PHLPP1: variants seen among roughly 807,000 people sequenced by gnomAD.
PHLPP1 encodes PH domain and leucine rich repeat protein phosphatase 1, also known as PH domain leucine-rich repeat-containing protein phosphatase 1.
A neutral mutation model predicts 117.2 loss-of-function variants in PHLPP1; 42 were observed. That is an observed-to-expected ratio of 0.36 (90% confidence interval 0.28 to 0.46). PHLPP1 has a LOEUF of 0.46. PHLPP1 is among the 20% of genes least tolerant of loss of function. PHLPP1 has a pLI of 1.00. For missense variants in PHLPP1, 2,084 were observed against 2,241.9 expected (o/e 0.93, Z 1.42); for synonymous variants, 1,042 against 970.7 (o/e 1.07, Z -1.37).
intron 12 of PHLPP1, among the ~76,000 whole-genome samples, chr18:62,952,474 C>T (rs1261541621): frequency 6.6e-6 from 1 of 152,126 alleles, no homozygotes; most frequent in African/African-American, 2.4e-5. Flanking sequence ...TTCTTCTAGG[C>T]TTCCCAAATC....
chr18:62,781,344 G>A (rs1226565867), intron 1 of PHLPP1, among the ~76,000 whole-genome samples: 1 of 152,168 alleles, frequency 6.6e-6, no homozygotes, highest in East Asian at 1.9e-4. Flanking sequence ...GCCTTAATGT[G>A]GGTTGCTCAC....
intron 4 of PHLPP1, among the ~76,000 whole-genome samples, chr18:62,888,620 C>A (rs1036496856): frequency 7.2e-5 from 11 of 152,092 alleles, no homozygotes; most frequent in African/African-American, 2.7e-4. Context: ...ATTGCTGGAG[C>A]CTGGGAAGTC....
In PHLPP1 at chr18:62,979,689, A is replaced by G. The variant is rs920915094; in HGVS notation, c.*258A>G. Reference sequence around the variant, plus strand: ...CCTAACATATCAGATATGTAAAGACAAAGAACAAAAGGTTTAATATATTAC... The same window carrying G: ...CCTAACATATCAGATATGTAAAGACGAAGAACAAAAGGTTTAATATATTAC... On this transcript the variant is annotated 3_prime_UTR_variant, in exon 17 of 17. Coordinates refer to ENST00000262719, the MANE Select transcript of PHLPP1 (RefSeq NM_194449.4). 1.4e-5 allele frequency: 7 copies of G among 497,384 alleles called. No individual in the cohort carries two copies. Among genetic ancestry groups the G allele is most frequent in the Non-Finnish European group, 2.1e-5 (6 of 280,906 alleles). The allele number at this position is 497,384 out of a possible 1,614,324, so 30.8% of individuals were successfully genotyped here. A position where few individuals can be genotyped will look rare whatever the true frequency, so the allele number is the denominator to read the frequency against.
At chr18:62,898,959 C>T (rs1223140668) in intron 6 of PHLPP1, among the ~76,000 whole-genome samples, 2 of 151,872 alleles carry the variant, frequency 1.3e-5, no homozygotes, top group South Asian at 2.1e-4. Flanking sequence ...TCACCATGAC[C>T]GGCTAATTTT....
chr18:62,730,142 G>A (rs1471180900), intron 1 of PHLPP1, among the ~76,000 whole-genome samples: 2 of 152,162 alleles, frequency 1.3e-5, no homozygotes, highest in African/African-American at 2.4e-5. Flanking sequence ...TATGGAAAAC[G>A]TATCCCTAAT....
At chr18:62,818,938 G>A (rs1162309165) in intron 1 of PHLPP1, among the ~76,000 whole-genome samples, 1 of 152,192 alleles carries the variant, frequency 6.6e-6, no homozygotes, top group Non-Finnish European at 1.5e-5. Flanking sequence ...ACTAAATGCA[G>A]AGCTGGGAAT....
chr18:62,757,048 G>A (rs900856730), intron 1 of PHLPP1, among the ~76,000 whole-genome samples: 3 of 152,190 alleles, frequency 2.0e-5, no homozygotes, highest in African/African-American at 7.2e-5. Flanking sequence ...AGAGACTTGA[G>A]TGGACAAGGG....
intron 12 of PHLPP1, among the ~76,000 whole-genome samples, chr18:62,948,691 T>C (rs1479361190): frequency 6.6e-6 from 1 of 151,922 alleles, no homozygotes; most frequent in African/African-American, 2.4e-5. Flanking sequence ...TTTTTTATAC[T>C]TTAAGTTTTA....
chr18:62,978,423 C>G lies in PHLPP1; in HGVS notation c.4146C>G (p.Val1382=). The change falls in exon 17 of 17, where the codon GTC becomes GTG. Residue 1382 remains valine (V), a synonymous_variant. Coordinates refer to ENST00000262719, the MANE Select transcript of PHLPP1 (RefSeq NM_194449.4). This position sits in a 1 kb window ranked among gnomAD's most constrained non-coding sequence, Gnocchi z 7.0. ...AGGGGTTGTGGGACAGCCTGTCCGTCGAGGAGGCCGTGGAAGCCGTGCGCA... is the reference window on the plus strand; with the variant it reads ...AGGGGTTGTGGGACAGCCTGTCCGTGGAGGAGGCCGTGGAAGCCGTGCGCA... ...GSKGLWDSLS[V]EEAVEAVRNV... 6.2e-7 allele frequency: 1 copy of G among 1,612,004 alleles called. No homozygotes were observed. Among genetic ancestry groups the G allele is most frequent in the Non-Finnish European group, 8.5e-7 (1 of 1,179,114 alleles).
intron 3 of PHLPP1, among the ~76,000 whole-genome samples, chr18:62,848,589 G>T (rs1030068852): frequency 4.0e-5 from 6 of 148,168 alleles, no homozygotes; most frequent in Non-Finnish European, 7.4e-5. Context: ...TCAGCCTCCC[G>T]AGTAACTGGG....
intron 6 of PHLPP1, among the ~76,000 whole-genome samples, chr18:62,900,923 G>A (rs1329002067): frequency 6.6e-6 from 1 of 152,172 alleles, no homozygotes; most frequent in East Asian, 1.9e-4. Context: ...AATATGTACA[G>A]TTTTATCTGT....
chr18:62,920,807 C>T (rs1909441945), intron 10 of PHLPP1, among the ~76,000 whole-genome samples: 1 of 152,162 alleles, frequency 6.6e-6, no homozygotes, highest in African/African-American at 2.4e-5. Flanking sequence ...GTGATCCACC[C>T]ACCTTGGCCT....
intron 1 of PHLPP1, among the ~76,000 whole-genome samples, chr18:62,808,462 T>G (rs1420962425): frequency 6.6e-6 from 1 of 152,234 alleles, no homozygotes; most frequent in East Asian, 1.9e-4. Context: ...TCACGCTAAT[T>G]ATATGCACAT....
chr18:62,947,145 G>A (rs961723720), intron 12 of PHLPP1, among the ~76,000 whole-genome samples: 2 of 152,206 alleles, frequency 1.3e-5, no homozygotes, highest in Admixed American at 1.3e-4. Flanking sequence ...GTGCTCTGAA[G>A]GGAGACAGAC....
chr18:62,717,077 C>T lies in PHLPP1; in HGVS notation c.1394C>T (p.Pro465Leu), dbSNP rs1401978016. ...GTGACCGCGGAGAAGGCGCCTCCGC[C>T]GCCCCCGCCGCCCACCCTGTACGTG... ...SGVTAEKAPPPPPPPTLYVQL... is the reference protein window; with the variant it reads ...SGVTAEKAPPLPPPPTLYVQL... The change falls in exon 1 of 17, where the codon CCG (proline) becomes CTG (leucine). Residue 465 changes from proline (P) to leucine (L), a missense_variant. Transcript: ENST00000262719. 12 of 1,545,632 alleles carry T rather than the reference C, an allele frequency of 7.8e-6. No homozygotes were observed. Among genetic ancestry groups the T allele is most frequent in the Non-Finnish European group, 1.0e-5 (12 of 1,144,926 alleles).
chr18:62,960,164 A>G (rs977368597), intron 13 of PHLPP1, among the ~76,000 whole-genome samples: 2 of 152,238 alleles, frequency 1.3e-5, no homozygotes, highest in Non-Finnish European at 2.9e-5. Flanking sequence ...AAAATTTGTT[A>G]ATAAATGGAA....
In PHLPP1 at chr18:62,895,631, C is replaced by G. The variant is rs899267627; in HGVS notation, c.2214-150C>G. 10 of 606,650 alleles carry G rather than the reference C, an allele frequency of 1.6e-5. No individual in the cohort carries two copies. The African/African-American group carries it at 1.7e-4, about 10-fold the overall frequency. The allele number at this position is 606,650 out of a possible 1,614,324, so 37.6% of individuals were successfully genotyped here. A position where few individuals can be genotyped will look rare whatever the true frequency, so the allele number is the denominator to read the frequency against. Reference sequence around the variant, plus strand: ...TTATCTCTGATTATTTCTCTTTGGTCCATTATTGCCTCAGGCCCTGCCCTT... The same window carrying G: ...TTATCTCTGATTATTTCTCTTTGGTGCATTATTGCCTCAGGCCCTGCCCTT... On this transcript the variant is annotated intron_variant, in intron 5 of 16. Coordinates refer to ENST00000262719, the MANE Select transcript of PHLPP1 (RefSeq NM_194449.4).
At chr18:62,772,543 A>G (rs1912818060) in intron 1 of PHLPP1, among the ~76,000 whole-genome samples, 1 of 152,138 alleles carries the variant, frequency 6.6e-6, no homozygotes, top group African/African-American at 2.4e-5. Flanking sequence ...AAATAATTAA[A>G]TTTAAATTGG....
intron 10 of PHLPP1, among the ~76,000 whole-genome samples, chr18:62,932,350 A>G (rs1909841310): frequency 6.6e-6 from 1 of 152,206 alleles, no homozygotes. Context: ...TCTGATGAAC[A>G]TAGACACAAA....
Sources: gnomAD v4.1 joint callset for allele counts (sites outside exome capture counted in the v4.1 genomes callset) on GRCh38, gnomAD v4.1.1 for gene constraint, Gnocchi (gnomAD v3.1) non-coding constraint, MANE v1.5 for transcripts, NCBI Gene and HGNC (gene_info 2026-07-23, HGNC 2026-07-21) for gene names.